The following PHACTR3 variants were observed in gnomAD, a reference collection of about 807,000 sequenced individuals.
PHACTR3 encodes phosphatase and actin regulator 3, also known as protein phosphatase 1, regulatory subunit 123.
Under a neutral mutation model 66.8 loss-of-function variants are expected in PHACTR3, and 16 were observed. That is an observed-to-expected ratio of 0.24 (90% CI 0.16 to 0.36). The LOEUF (loss-of-function observed/expected upper bound fraction) is 0.36. Ranked by LOEUF, PHACTR3 falls within the 10% of genes least tolerant of loss-of-function variation. PHACTR3 has a pLI of 1.00. For synonymous variants in PHACTR3, 323 were observed against 292.1 expected (o/e 1.11, Z -1.08); for missense variants, 647 against 719.9 (o/e 0.90, Z 1.16).
chr20:59,834,327 A>G (rs1024038492), intron 8 of PHACTR3, among the ~76,000 whole-genome samples: 7 of 152,012 alleles, frequency 4.6e-5, no homozygotes, highest in East Asian at 3.9e-4. Flanking sequence ...TGCTTTTCCT[A>G]TGGTGGTCTG....
intron 1 of PHACTR3, among the ~76,000 whole-genome samples, chr20:59,578,277 A>T (rs2032772482): frequency 6.6e-6 from 1 of 152,214 alleles, no homozygotes; most frequent in African/African-American, 2.4e-5. Flanking sequence ...CCTCCTGGTG[A>T]CAAGGCTAGA....
At chr20:59,662,085 C>A (rs901945451) in intron 1 of PHACTR3, among the ~76,000 whole-genome samples, 4 of 152,208 alleles carry the variant, frequency 2.6e-5, no homozygotes, top group Non-Finnish European at 5.9e-5. Flanking sequence ...ACGATTCATT[C>A]ATTCCTTCAT....
chr20:59,695,225 A>ATC (rs1282613055), intron 1 of PHACTR3, among the ~76,000 whole-genome samples: 1 of 152,170 alleles, frequency 6.6e-6, no homozygotes, highest in African/African-American at 2.4e-5. Context: ...CCCCATCCAA[A>ATC]TCTCATGTCG....
At chr20:59,579,498 G>C (rs536364788) in intron 1 of PHACTR3, among the ~76,000 whole-genome samples, 1 of 152,242 alleles carries the variant, frequency 6.6e-6, no homozygotes, top group Admixed American at 6.5e-5. Context: ...GGGTCCTTGA[G>C]GCTGGAAGCC....
chr20:59,613,538 T>TTTTG (rs971573714), intron 1 of PHACTR3, among the ~76,000 whole-genome samples: 4 of 152,170 alleles, frequency 2.6e-5, no homozygotes, highest in Admixed American at 1.3e-4. Context: ...AGCTTTTTCT[T>TTTTG]TTTGTTTGTT....
chr20:59,652,404 G>A (rs1210549267), intron 1 of PHACTR3, among the ~76,000 whole-genome samples: 1 of 152,092 alleles, frequency 6.6e-6, no homozygotes. Flanking sequence ...AAAATTAGCT[G>A]GGCATGGTGG....
chr20:59,707,457 C>CTT (rs34134572), intron 1 of PHACTR3, among the ~76,000 whole-genome samples: 13,811 of 100,328 alleles, frequency 0.14, 1,625 homozygotes, highest in African/African-American at 0.24. Context: ...TGCTCCCACT[C>CTT]TTTTTTTTTT....
chr20:59,758,739 A>G (rs981499537), intron 4 of PHACTR3, among the ~76,000 whole-genome samples: 1 of 152,214 alleles, frequency 6.6e-6, no homozygotes, highest in East Asian at 1.9e-4. Flanking sequence ...ACAGAGGGCA[A>G]TGTCTTTGAC....
At chr20:59,833,563 C>G (rs1050704782) in intron 8 of PHACTR3, among the ~76,000 whole-genome samples, 1 of 152,080 alleles carries the variant, frequency 6.6e-6, no homozygotes, top group Non-Finnish European at 1.5e-5. Flanking sequence ...CGGGGGGAAG[C>G]CTTGTTCGGG....
intron 1 of PHACTR3, among the ~76,000 whole-genome samples, chr20:59,722,378 A>T (rs1363905921): frequency 6.6e-6 from 1 of 152,154 alleles, no homozygotes; most frequent in African/African-American, 2.4e-5. Flanking sequence ...GGGAGAAGGT[A>T]TTCCTGGCAG....
chr20:59,657,271 G>A (rs1269260831), intron 1 of PHACTR3, among the ~76,000 whole-genome samples: 1 of 151,848 alleles, frequency 6.6e-6, no homozygotes, highest in East Asian at 1.9e-4. Context: ...GTGTGTGTGT[G>A]TGTGTGTGTG....
rs2036427380 is a variant in PHACTR3, at chr20:59,675,639, A to C, written c.119-67468A>C. On this transcript the variant is annotated intron_variant, in intron 1 of 12. Transcript: ENST00000371015. ...TTTGGGGTGATTTTTCCCCCAGGGGACACTGCAGTGCCTGGAGACATTCTG... is the reference window on the plus strand; with the variant it reads ...TTTGGGGTGATTTTTCCCCCAGGGGCCACTGCAGTGCCTGGAGACATTCTG... Among the ~76,000 whole-genome samples, 3 of 152,164 alleles carry C rather than the reference A, an allele frequency of 2.0e-5. No homozygotes were observed. The South Asian group carries it at 6.2e-4, about 32-fold the overall frequency.
At chr20:59,786,137 G>T (rs2040906838) in intron 7 of PHACTR3, among the ~76,000 whole-genome samples, 1 of 152,228 alleles carries the variant, frequency 6.6e-6, no homozygotes, top group African/African-American at 2.4e-5. Context: ...GAGGCCTGGG[G>T]CTGGGATCCT....
At chr20:59,636,678 GT>G (rs2034912133) in intron 1 of PHACTR3, among the ~76,000 whole-genome samples, 1 of 152,188 alleles carries the variant, frequency 6.6e-6, no homozygotes, top group Non-Finnish European at 1.5e-5. Context: ...TGAGGTTGTT[GT>G]AAATAGAAAT....
intron 3 of PHACTR3, among the ~76,000 whole-genome samples, chr20:59,749,924 ACTCT>A (rs1339292535): frequency 6.6e-6 from 1 of 150,888 alleles, no homozygotes; most frequent in Non-Finnish European, 1.5e-5. Context: ...TACCTTCCAT[ACTCT>A]CTCTCTTGCT....
intron 1 of PHACTR3, among the ~76,000 whole-genome samples, chr20:59,674,464 T>TCCTGTTCCTTCCCCTTCTCCTGTCCCCG (rs1568696844): frequency 9.6e-5 from 7 of 73,180 alleles, no homozygotes; most frequent in African/African-American, 4.9e-4. Flanking sequence ...TCCTGTCCTC[T>TCCTGTTCCTTCCCCTTCTCCTGTCCCCG]CTTCTCCTGT....
At chr20:59,816,063 C>T (rs2041878737) in intron 8 of PHACTR3, among the ~76,000 whole-genome samples, 1 of 151,888 alleles carries the variant, frequency 6.6e-6, no homozygotes, top group African/African-American at 2.4e-5. Context: ...AGTTATTATA[C>T]AACTCACTGT....
At chr20:59,798,730 A>T (rs753156748) in intron 7 of PHACTR3, among the ~76,000 whole-genome samples, 10 of 152,060 alleles carry the variant, frequency 6.6e-5, no homozygotes, top group Non-Finnish European at 1.3e-4. Context: ...TGATATAGGT[A>T]ATTTGTGTGT....
chr20:59,592,425 C>G (rs964851997), intron 1 of PHACTR3, among the ~76,000 whole-genome samples: 2 of 152,212 alleles, frequency 1.3e-5, no homozygotes, highest in African/African-American at 2.4e-5. Context: ...ACATCTGTTA[C>G]AACTGATGCA....
Sources: gnomAD v4.1 joint callset for allele counts (sites outside exome capture counted in the v4.1 genomes callset) on GRCh38, gnomAD v4.1.1 for gene constraint, MANE v1.5 for transcripts, NCBI Gene and HGNC (gene_info 2026-07-23, HGNC 2026-07-21) for gene names.